TNNI3K: variants seen among roughly 807,000 people sequenced by gnomAD.
The protein encoded by TNNI3K is serine/threonine-protein kinase TNNI3K.
Under a neutral mutation model 114.5 loss-of-function variants are expected in TNNI3K, and 140 were observed. The ratio of observed to expected loss-of-function variants is 1.22; its 90% CI spans 1.07 to 1.41. The LOEUF (loss-of-function observed/expected upper bound fraction) is 1.41. Ranked by LOEUF, TNNI3K falls within the 40% of genes most tolerant of loss-of-function variation. TNNI3K has a pLI of 0.00. For synonymous variants in TNNI3K, 347 were observed against 347.5 expected, an observed-to-expected ratio of 1.00 and a Z score of 0.02; for missense variants, 1,125 against 1,007.6, an observed-to-expected ratio of 1.12 and a Z score of -1.58.
intron 22 of TNNI3K, among the ~76,000 whole-genome samples, chr1:74,489,591 CAG>C (rs1418240820): frequency 6.6e-5 from 10 of 152,052 alleles, no homozygotes; most frequent in Non-Finnish European, 1.5e-4. Flanking sequence ...ATTCTTCATA[CAG>C]AGATTTGTAA....
rs578036014 is a variant in TNNI3K, at chr1:74,353,009, G to A, written c.933-257G>A. ...CCAGTGAGATGAACCCAGTACCTCAGTTGGAAATGCAGAAATCACCCATCT... is the reference window on the plus strand; with the variant it reads ...CCAGTGAGATGAACCCAGTACCTCAATTGGAAATGCAGAAATCACCCATCT... On this transcript the variant is annotated intron_variant, in intron 9 of 24. Coordinates refer to ENST00000326637, the MANE Select transcript of TNNI3K (RefSeq NM_015978.3). Among the ~76,000 whole-genome samples, 9 of 152,290 alleles carry A rather than the reference G, an allele frequency of 5.9e-5. No homozygotes were observed. The South Asian group carries it at 1.9e-3, about 32-fold the overall frequency.
chr1:74,321,615 A>G (rs1461270349), intron 5 of TNNI3K, among the ~76,000 whole-genome samples: 1 of 151,972 alleles, frequency 6.6e-6, no homozygotes. Flanking sequence ...ATTATTTTAT[A>G]TACATAAGTT....
chr1:74,403,621 A>G (rs1664476596), intron 17 of TNNI3K, among the ~76,000 whole-genome samples: 2 of 152,214 alleles, frequency 1.3e-5, no homozygotes, highest in Non-Finnish European at 2.9e-5. Context: ...ACCAAAATAT[A>G]TACATGAAAA....
intron 17 of TNNI3K, among the ~76,000 whole-genome samples, chr1:74,396,888 A>C (rs1450683774): frequency 2.0e-5 from 3 of 152,194 alleles, no homozygotes; most frequent in African/African-American, 7.2e-5. Context: ...TTAGAGGTTA[A>C]TTTTGTGACT....
intron 20 of TNNI3K, among the ~76,000 whole-genome samples, chr1:74,440,359 G>C (rs987499061): frequency 5.9e-5 from 9 of 152,062 alleles, no homozygotes; most frequent in African/African-American, 1.9e-4. Context: ...CACTTGTAAA[G>C]TAGTTGTCAA....
intron 17 of TNNI3K, chr1:74,372,180 G>C (rs1046121129): frequency 6.6e-6 from 1 of 150,464 alleles, no homozygotes; most frequent in Non-Finnish European, 1.5e-5. Flanking sequence ...GTTGTACCTT[G>C]TTCTTTAATC....
chr1:74,248,251 G>A (rs971606360), intron 2 of TNNI3K, among the ~76,000 whole-genome samples: 1 of 151,810 alleles, frequency 6.6e-6, no homozygotes, highest in Admixed American at 6.6e-5. Context: ...GCTGGCCTGC[G>A]AGCACTGTGC....
At chr1:74,483,201 T>C in intron 21 of TNNI3K, 5 of 709,258 alleles carry the variant, frequency 7.0e-6, no homozygotes, top group Non-Finnish European at 7.9e-6. Flanking sequence ...CAATGAAAGG[T>C]ATGGCAACCA....
At chr1:74,412,212 T>C (rs892191711) in intron 17 of TNNI3K, among the ~76,000 whole-genome samples, 9 of 152,110 alleles carry the variant, frequency 5.9e-5, no homozygotes, top group Non-Finnish European at 1.2e-4. Flanking sequence ...CCAGAGTAAC[T>C]TTTCCAGACT....
At chr1:74,247,108 C>T (rs1306898370) in intron 2 of TNNI3K, among the ~76,000 whole-genome samples, 2 of 152,148 alleles carry the variant, frequency 1.3e-5, no homozygotes, top group African/African-American at 4.8e-5. Flanking sequence ...AAGCCGCGGA[C>T]CCTCGCAGTG....
chr1:74,336,796 T>G (rs1194204876), intron 7 of TNNI3K, among the ~76,000 whole-genome samples: 2 of 151,736 alleles, frequency 1.3e-5, no homozygotes, highest in Non-Finnish European at 2.9e-5. Context: ...TTGTGAATAA[T>G]GCCGCAATAA....
At chr1:74,272,370 C>T (rs767615393) in intron 5 of TNNI3K, among the ~76,000 whole-genome samples, 46 of 151,698 alleles carry the variant, frequency 3.0e-4, no homozygotes, top group African/African-American at 4.1e-4. Context: ...ATGAAAACAA[C>T]GAGAGAGAAG....
intron 17 of TNNI3K, chr1:74,375,824 T>G (rs1662876506): frequency 3.9e-6 from 1 of 258,708 alleles, no homozygotes; most frequent in Non-Finnish European, 8.2e-6. Context: ...TGGCTGTGCG[T>G]GAATTAAACT....
intron 5 of TNNI3K, among the ~76,000 whole-genome samples, chr1:74,324,713 G>C (rs903573975): frequency 6.6e-6 from 1 of 152,144 alleles, no homozygotes; most frequent in Non-Finnish European, 1.5e-5. Flanking sequence ...GAGAAAGAGA[G>C]ACCATTATGC....
intron 23 of TNNI3K, among the ~76,000 whole-genome samples, chr1:74,520,125 A>C (rs190686915): frequency 1.7e-4 from 25 of 150,434 alleles, no homozygotes; most frequent in Non-Finnish European, 3.2e-4. Flanking sequence ...TGCTGAACCC[A>C]ATTTGTAGTC....
chr1:74,471,799 C>T, intron 21 of TNNI3K: 1 of 426,902 alleles, frequency 2.3e-6, no homozygotes, highest in Non-Finnish European at 4.1e-6. Flanking sequence ...TTCTATTGCA[C>T]TGTTAATTTG....
Position 74,496,598 on chromosome 1 carries a change from A to G in TNNI3K, c.2351+4332A>G, listed in dbSNP as rs1391839334. 2.6e-5 allele frequency among the ~76,000 whole-genome samples: 4 copies of G among 151,948 alleles called. No individual in the cohort carries two copies. The East Asian group carries it at 7.7e-4, about 29-fold the overall frequency. ...TTTTATGGGGTTTTTGGTTGTTTGT[A>G]TATTTGTTTCTAATTATTATTATTC... On this transcript the variant is annotated intron_variant, in intron 23 of 24. Coordinates refer to ENST00000326637, the MANE Select transcript of TNNI3K (RefSeq NM_015978.3).
chr1:74,425,386 A>G (rs548416324), intron 17 of TNNI3K, among the ~76,000 whole-genome samples: 2 of 152,258 alleles, frequency 1.3e-5, no homozygotes, highest in South Asian at 4.1e-4. Flanking sequence ...AAAGGGAAAA[A>G]TTAAGGTTTT....
chr1:74,446,577 G>C (rs1369212848), intron 20 of TNNI3K, among the ~76,000 whole-genome samples: 1 of 149,558 alleles, frequency 6.7e-6, no homozygotes, highest in East Asian at 1.9e-4. Flanking sequence ...GGCTTTTGTT[G>C]CCATTGCTTT....
Sources: gnomAD v4.1 joint callset for allele counts (sites outside exome capture counted in the v4.1 genomes callset) on GRCh38, gnomAD v4.1.1 for gene constraint, MANE v1.5 for transcripts, NCBI Gene and HGNC (gene_info 2026-07-23, HGNC 2026-07-21) for gene names.